Variants in ARHGAP6 observed in about 807,000 individuals in gnomAD.
ARHGAP6 encodes the protein Rho GTPase activating protein 6, also known as rho GTPase-activating protein 6.
A neutral mutation model predicts 55.7 loss-of-function variants in ARHGAP6; 16 were observed. The observed-to-expected ratio is 0.29, with a 90% CI of 0.19 to 0.44. ARHGAP6 has a LOEUF of 0.44. ARHGAP6 is among the 20% of genes least tolerant of loss of function. The pLI is 1.00. For synonymous variants in ARHGAP6, 382 were observed against 360.9 expected (o/e 1.06, Z -0.66); for missense variants, 698 against 808.9 (o/e 0.86, Z 1.66).
chrX:11,411,688 C>T (rs777636041), intron 1 of ARHGAP6, among the ~76,000 whole-genome samples: 2 of 110,694 alleles, frequency 1.8e-5, no homozygotes, highest in East Asian at 2.8e-4. Context: ...AAGAGGTGGC[C>T]TAGAAAGGAA....
intron 2 of ARHGAP6, among the ~76,000 whole-genome samples, chrX:11,215,041 A>G (rs931199450): frequency 1.1e-4 from 12 of 113,231 alleles, no homozygotes; most frequent in African/African-American, 2.9e-4. Flanking sequence ...GCCAGGGCTG[A>G]GAGCTGGAGC....
intron 1 of ARHGAP6, chrX:11,294,860 T>C: frequency 8.3e-7 from 1 of 1,209,656 alleles, no homozygotes; most frequent in Non-Finnish European, 1.1e-6. Flanking sequence ...AAACACCCCT[T>C]GCATAAGTCA....
At chrX:11,432,441 A>G (rs1246271339) in intron 1 of ARHGAP6, among the ~76,000 whole-genome samples, 1 of 112,376 alleles carries the variant, frequency 8.9e-6, no homozygotes, top group African/African-American at 3.2e-5. Flanking sequence ...GCATATGTGC[A>G]TGCATTTTTA....
chrX:11,499,342 T>C (rs1447500755), intron 1 of ARHGAP6, among the ~76,000 whole-genome samples: 4 of 112,370 alleles, frequency 3.6e-5, no homozygotes, highest in African/African-American at 1.3e-4. Context: ...GATGTGAAGA[T>C]ATTTGTGAAG....
At chrX:11,590,455 A>G (rs1208110583) in intron 1 of ARHGAP6, among the ~76,000 whole-genome samples, 1 of 82,388 alleles carries the variant, frequency 1.2e-5, no homozygotes, top group Admixed American at 1.3e-4. Context: ...TTGAATTATT[A>G]AACAAAAAAA....
At chrX:11,151,389 C>T (rs1021707318) in intron 10 of ARHGAP6, among the ~76,000 whole-genome samples, 1 of 109,959 alleles carries the variant, frequency 9.1e-6, no homozygotes, top group African/African-American at 3.3e-5. Flanking sequence ...CTCATCCTCC[C>T]GAGTAGCTGG....
intron 1 of ARHGAP6, among the ~76,000 whole-genome samples, chrX:11,653,593 T>C (rs1328871848): frequency 8.9e-6 from 1 of 112,468 alleles, no homozygotes; most frequent in East Asian, 2.8e-4. Context: ...TGCACTCCTA[T>C]GCATCTTTTA....
chrX:11,226,118 T>C (rs1447323549), intron 2 of ARHGAP6, among the ~76,000 whole-genome samples: 3 of 109,312 alleles, frequency 2.7e-5, no homozygotes, highest in Non-Finnish European at 5.7e-5. Context: ...TCATTTACAT[T>C]AGGTATATCT....
chrX:11,477,849 C>T (rs1350292877), intron 1 of ARHGAP6, among the ~76,000 whole-genome samples: 1 of 111,586 alleles, frequency 9.0e-6, no homozygotes, highest in African/African-American at 3.3e-5. Flanking sequence ...CTACCAGGCA[C>T]TGACTGGGAA....
At chrX:11,197,172 T>C (rs1250220994) in intron 2 of ARHGAP6, among the ~76,000 whole-genome samples, 176 bp from the exon 3 acceptor site, 1 of 112,141 alleles carries the variant, frequency 8.9e-6, no homozygotes, top group Non-Finnish European at 1.9e-5. Context: ...ATACCACATA[T>C]TACCAGAATT....
At chrX:11,529,502 A>G (rs2051026243) in intron 1 of ARHGAP6, among the ~76,000 whole-genome samples, 1 of 112,304 alleles carries the variant, frequency 8.9e-6, no homozygotes, top group Non-Finnish European at 1.9e-5. Flanking sequence ...AAGTTTCTAA[A>G]TGTTTACTCT....
chrX:11,377,665 T>C (rs16986444), intron 1 of ARHGAP6, among the ~76,000 whole-genome samples: 3,411 of 111,892 alleles, frequency 0.03, 147 homozygotes, highest in African/African-American at 0.1. Context: ...CAATGTCACC[T>C]TTGATTAGTC....
intron 1 of ARHGAP6, among the ~76,000 whole-genome samples, chrX:11,463,553 G>A (rs183356084): frequency 9.0e-6 from 1 of 111,372 alleles, no homozygotes; most frequent in Non-Finnish European, 1.9e-5. Flanking sequence ...TACCCAGGCT[G>A]GTGTCATGAA....
intron 1 of ARHGAP6, among the ~76,000 whole-genome samples, chrX:11,641,103 G>A (rs933908065): frequency 9.1e-6 from 1 of 110,410 alleles, no homozygotes; most frequent in African/African-American, 3.3e-5. Flanking sequence ...GAGAAGACTT[G>A]TCTTTGGAAC....
intron 1 of ARHGAP6, among the ~76,000 whole-genome samples, chrX:11,435,416 A>G (rs1319139947): frequency 2.7e-5 from 3 of 112,233 alleles, no homozygotes; most frequent in African/African-American, 9.7e-5. Flanking sequence ...GGAATACAGA[A>G]CAAGAGGAAG....
intron 1 of ARHGAP6, among the ~76,000 whole-genome samples, chrX:11,652,666 A>T (rs1417787840): frequency 8.9e-6 from 1 of 112,025 alleles, no homozygotes; most frequent in Non-Finnish European, 1.9e-5. Flanking sequence ...CCAGAGAGGC[A>T]GAATTTGTCT....
At chrX:11,647,698 T>C (rs1314905130) in intron 1 of ARHGAP6, among the ~76,000 whole-genome samples, 2 of 112,086 alleles carry the variant, frequency 1.8e-5, no homozygotes, top group Non-Finnish European at 3.8e-5. Context: ...GTGGGCTGAT[T>C]GGGTGAAAAG....
intron 1 of ARHGAP6, among the ~76,000 whole-genome samples, chrX:11,400,992 C>T (rs1224299054): frequency 8.9e-6 from 1 of 112,516 alleles, no homozygotes; most frequent in Non-Finnish European, 1.9e-5. Flanking sequence ...CATGGTGTTG[C>T]ATAGCAGAAT....
chrX:11,595,075 G>C (rs754820163), intron 1 of ARHGAP6, among the ~76,000 whole-genome samples: 50 of 111,505 alleles, frequency 4.5e-4, no homozygotes, highest in African/African-American at 1.6e-3. Context: ...CAGATCACGA[G>C]GTCAGGAGTT....
Sources: gnomAD v4.1 joint callset for allele counts (sites outside exome capture counted in the v4.1 genomes callset) on GRCh38, gnomAD v4.1.1 for gene constraint, MANE v1.5 for transcripts, NCBI Gene and HGNC (gene_info 2026-07-23, HGNC 2026-07-21) for gene names.